The following ATP8B4 variants were observed in gnomAD, a reference collection of about 807,000 sequenced individuals.
ATP8B4 encodes probable phospholipid-transporting ATPase IM.
In ATP8B4, 133 loss-of-function variants were observed where a neutral mutation model predicts 145.6. That is an observed-to-expected ratio of 0.91 (90% CI 0.79 to 1.05). ATP8B4 has a LOEUF of 1.05. Ranked by LOEUF, ATP8B4 falls within the 50% of genes least tolerant of loss-of-function variation. The pLI is 0.00. For synonymous variants in ATP8B4, 507 were observed against 492.9 expected, an observed-to-expected ratio of 1.03 and a Z score of -0.38; for missense variants, 1,458 against 1,425.2, an observed-to-expected ratio of 1.02 and a Z score of -0.37.
At chr15:50,079,213 T>A (rs139440975) in intron 2 of ATP8B4, among the ~76,000 whole-genome samples, 11 of 152,094 alleles carry the variant, frequency 7.2e-5, no homozygotes, top group Non-Finnish European at 2.9e-5. Flanking sequence ...ATACCTACTA[T>A]GTACTCACAA....
At chr15:50,037,537 T>G (rs1435111627) in intron 6 of ATP8B4, among the ~76,000 whole-genome samples, 2 of 152,216 alleles carry the variant, frequency 1.3e-5, no homozygotes, top group Non-Finnish European at 2.9e-5. Flanking sequence ...AGAAATCCAG[T>G]GCTTACAGAT....
At position 49,987,470 on chromosome 15, in the gene ATP8B4, G is replaced by T. The variant is rs1201402372; in HGVS notation, c.669C>A (p.Ser223=). 1 of 1,613,640 alleles carries T rather than the reference G, an allele frequency of 6.2e-7. No individual in the cohort carries two copies. Among genetic ancestry groups the T allele is most frequent in the Non-Finnish European group, 8.5e-7 (1 of 1,179,722 alleles). The part of the protein sequence containing the change: ...GILSWKDSKH[S]LNNEKIILRG... ...TCAGGATTATCTTCTCATTGTTGAG[G>T]GAATGCTTGCTGTCTTTCCAAGAAA... is the stretch of plus-strand genomic sequence containing the variant. Residue 223 remains serine (S), a synonymous_variant, in exon 10 of 28, where the codon TCC becomes TCA. Coordinates refer to ENST00000284509, the MANE Select transcript of ATP8B4 (RefSeq NM_024837.4).
rs759374580 is a variant in ATP8B4, at chr15:50,074,193, G to A, written c.29-8C>T. On this transcript the variant is annotated splice_polypyrimidine_tract_variant and splice_region_variant and intron_variant, in intron 2 of 27. Coordinates refer to ENST00000284509, the MANE Select transcript of ATP8B4 (RefSeq NM_024837.4). ...TCACTATCCGTTCCACTTCTAAAGA[G>A]AGAGAAATCAAGTATGAAATTAAAT... 3.1e-6 allele frequency: 5 copies of A among 1,607,138 alleles called. No homozygotes were observed. The Admixed American group carries it at 8.5e-5, about 27-fold the overall frequency.
chr15:49,916,864 C>G, intron 20 of ATP8B4, 70 bp downstream of exon 20: 1 of 1,424,778 alleles, frequency 7.0e-7, no homozygotes. Context: ...TTCACTTTCT[C>G]AACTCTCTGA....
chr15:50,052,307 T>G (rs1398725618), intron 3 of ATP8B4, among the ~76,000 whole-genome samples: 1 of 151,882 alleles, frequency 6.6e-6, no homozygotes, highest in Non-Finnish European at 1.5e-5. Context: ...AGAAAAGGAG[T>G]AGACTCCACG....
chr15:50,066,565 T>G (rs2053397086), intron 3 of ATP8B4, among the ~76,000 whole-genome samples: 1 of 152,156 alleles, frequency 6.6e-6, no homozygotes, highest in African/African-American at 2.4e-5. Flanking sequence ...GGGATGTGTT[T>G]CAACATGGTG....
chr15:49,980,340 G>A (rs1165384031), intron 11 of ATP8B4, among the ~76,000 whole-genome samples: 1 of 152,146 alleles, frequency 6.6e-6, no homozygotes, highest in Admixed American at 6.5e-5. Context: ...TTGTGAGCCT[G>A]TGATAGGGTA....
chr15:49,866,302 C>T, intron 26 of ATP8B4, 44 bp downstream of exon 26: 1 of 1,592,094 alleles, frequency 6.3e-7, no homozygotes, highest in East Asian at 2.2e-5. Context: ...GACAAGTAAA[C>T]AGCAGCAGAC....
At chr15:50,149,300 T>C (rs911405380) in intron 1 of ATP8B4, among the ~76,000 whole-genome samples, 1 of 152,322 alleles carries the variant, frequency 6.6e-6, no homozygotes, top group South Asian at 2.1e-4. Flanking sequence ...GAGTAAGCTA[T>C]AGGCCAGAAG....
At chr15:50,068,810 A>T (rs545037005) in intron 3 of ATP8B4, among the ~76,000 whole-genome samples, 1 of 152,208 alleles carries the variant, frequency 6.6e-6, no homozygotes, top group Non-Finnish European at 1.5e-5. Flanking sequence ...AGAAGAACCA[A>T]CGAGAACCAG....
chr15:50,073,172 G>T (rs2053965477), intron 3 of ATP8B4, among the ~76,000 whole-genome samples: 2 of 151,048 alleles, frequency 1.3e-5, no homozygotes, highest in Admixed American at 1.3e-4. Context: ...TGCCATGGTG[G>T]TTTGCTGCAC....
chr15:50,148,661 A>G (rs1003088448), intron 1 of ATP8B4, among the ~76,000 whole-genome samples: 33 of 152,244 alleles, frequency 2.2e-4, no homozygotes, highest in Admixed American at 5.9e-4. Context: ...CTATGAAAAA[A>G]TAAATTTCTG....
intron 1 of ATP8B4, among the ~76,000 whole-genome samples, chr15:50,169,295 C>A (rs1433894858): frequency 1.3e-5 from 2 of 152,220 alleles, no homozygotes; most frequent in Non-Finnish European, 2.9e-5. Context: ...TCCACCACCT[C>A]CACTAGAACA....
intron 1 of ATP8B4, among the ~76,000 whole-genome samples, chr15:50,161,750 T>C (rs1427929041): frequency 6.6e-6 from 1 of 152,214 alleles, no homozygotes; most frequent in Non-Finnish European, 1.5e-5. Context: ...CTATCTTTGA[T>C]AGGTTCATCT....
intron 26 of ATP8B4, among the ~76,000 whole-genome samples, 187 bp downstream of exon 26, chr15:49,866,159 T>C (rs1234191063): frequency 6.6e-6 from 1 of 152,194 alleles, no homozygotes; most frequent in African/African-American, 2.4e-5. Context: ...CTGCATCCAG[T>C]AGAGACAGCA....
chr15:49,939,803 G>T (rs902813845), intron 14 of ATP8B4, among the ~76,000 whole-genome samples: 4 of 151,966 alleles, frequency 2.6e-5, no homozygotes, highest in African/African-American at 9.7e-5. Flanking sequence ...AATGATAAAA[G>T]AAAACTACAG....
At chr15:50,151,372 C>A (rs996637908) in intron 1 of ATP8B4, among the ~76,000 whole-genome samples, 2 of 152,106 alleles carry the variant, frequency 1.3e-5, no homozygotes, top group African/African-American at 4.8e-5. Flanking sequence ...TTAGATTTTA[C>A]CTATAGTCTT....
chr15:50,116,949 C>G (rs957950359), intron 1 of ATP8B4, among the ~76,000 whole-genome samples: 7 of 152,014 alleles, frequency 4.6e-5, no homozygotes, highest in African/African-American at 1.7e-4. Context: ...TTTTTAATAT[C>G]TTTTCATGAG....
At chr15:49,978,781 C>A (rs1471830093) in intron 12 of ATP8B4, among the ~76,000 whole-genome samples, 1 of 138,796 alleles carries the variant, frequency 7.2e-6, no homozygotes, top group Non-Finnish European at 1.5e-5. Context: ...CACACACACA[C>A]ACACATGCAT....
Sources: allele counts gnomAD v4.1 joint callset (sites outside exome capture counted in the v4.1 genomes callset), GRCh38; gene constraint gnomAD v4.1.1; transcripts MANE v1.5; gene names NCBI Gene and HGNC (gene_info 2026-07-23, HGNC 2026-07-21).